Variants in DSCAM observed in about 807,000 individuals in gnomAD.
The protein encoded by DSCAM is DS cell adhesion molecule.
In DSCAM, 47 loss-of-function variants were observed where a neutral mutation model predicts 217.7. That is an observed-to-expected ratio of 0.22 (90% confidence interval 0.17 to 0.28). The LOEUF (loss-of-function observed/expected upper bound fraction) is 0.28. Ranked by LOEUF, DSCAM falls within the 10% of genes least tolerant of loss-of-function variation. The pLI is 1.00. For missense variants in DSCAM, 2,080 were observed against 2,618.3 expected (o/e 0.79, Z 4.49); for synonymous variants, 1,056 against 1,015.3 (o/e 1.04, Z -0.76).
chr21:40,614,052 T>A (rs911694572), intron 3 of DSCAM, among the ~76,000 whole-genome samples: 18 of 152,276 alleles, frequency 1.2e-4, no homozygotes, highest in African/African-American at 4.3e-4. Flanking sequence ...GATGCACAGA[T>A]AATTTGAGAA....
At chr21:40,780,423 GTATATATATATA>G (rs71186965) in intron 1 of DSCAM, among the ~76,000 whole-genome samples, 101 of 56,438 alleles carry the variant, frequency 1.8e-3, no homozygotes, top group African/African-American at 7.5e-3. Flanking sequence ...GTGTGTGTGT[GTATATATATATA>G]TATATATATA....
intron 3 of DSCAM, among the ~76,000 whole-genome samples, chr21:40,570,927 G>A (rs1003176321): frequency 5.3e-5 from 8 of 152,018 alleles, no homozygotes; most frequent in Admixed American, 3.3e-4. Flanking sequence ...AGAAGAAGAA[G>A]AGAGATACAG....
At chr21:40,593,319 TC>T (rs1195869344) in intron 3 of DSCAM, among the ~76,000 whole-genome samples, 4 of 84,346 alleles carry the variant, frequency 4.7e-5, no homozygotes, top group African/African-American at 1.5e-4. Flanking sequence ...ATGATGTTTC[TC>T]TTTTTTTTTT....
At chr21:40,244,010 A>G (rs1569019975) in intron 11 of DSCAM, among the ~76,000 whole-genome samples, 1 of 152,168 alleles carries the variant, frequency 6.6e-6, no homozygotes, top group Non-Finnish European at 1.5e-5. Flanking sequence ...TGATGCCCAA[A>G]TGGGTTGTTC....
chr21:40,267,896 CA>C (rs112636145), intron 11 of DSCAM, among the ~76,000 whole-genome samples: 5 of 151,148 alleles, frequency 3.3e-5, no homozygotes, highest in Non-Finnish European at 5.9e-5. Context: ...AACTCCACCT[CA>C]AAAAAAGAAA....
intron 20 of DSCAM, among the ~76,000 whole-genome samples, chr21:40,109,003 G>C (rs1418531046): frequency 1.3e-5 from 2 of 152,178 alleles, no homozygotes; most frequent in African/African-American, 4.8e-5. Context: ...ATCAACTCAA[G>C]ATGGATTAAA....
rs547422383 is a variant in DSCAM, at chr21:40,361,617, C to T, written c.655+7482G>A. Reference sequence around the variant, plus strand: ...GTGGCAACAGAGTGAGACTCCATCTCAAAAACAAACAAACAAACAAACAAA... The same window carrying T: ...GTGGCAACAGAGTGAGACTCCATCTTAAAAACAAACAAACAAACAAACAAA... On this transcript the variant is annotated intron_variant, in intron 4 of 32. Coordinates refer to ENST00000400454, the MANE Select transcript of DSCAM (RefSeq NM_001389.5). Among the ~76,000 whole-genome samples the T allele has an allele frequency of 1.8e-3, 270 of 149,148 alleles. 2 individuals carry two copies. Among genetic ancestry groups the T allele is most frequent in the African/African-American group, 5.3e-3 (207 of 39,266 alleles).
At chr21:40,514,910 G>A (rs186289947) in intron 3 of DSCAM, among the ~76,000 whole-genome samples, 5 of 152,210 alleles carry the variant, frequency 3.3e-5, no homozygotes, top group South Asian at 4.2e-4. Flanking sequence ...CCCAAACTGC[G>A]GCAAGGGTGT....
chr21:40,631,540 C>T (rs2146319488), intron 3 of DSCAM, among the ~76,000 whole-genome samples: 1 of 152,294 alleles, frequency 6.6e-6, no homozygotes, highest in African/African-American at 2.4e-5. Context: ...ATAAGACTTC[C>T]CAGTATTGGG....
intron 11 of DSCAM, among the ~76,000 whole-genome samples, chr21:40,189,468 C>T (rs1229083738): frequency 1.3e-5 from 2 of 152,178 alleles, no homozygotes; most frequent in South Asian, 2.1e-4. Flanking sequence ...ATCCACGGCA[C>T]GTTGCTCTTC....
intron 3 of DSCAM, among the ~76,000 whole-genome samples, chr21:40,504,404 T>C (rs138216267): frequency 3.7e-4 from 56 of 152,232 alleles, no homozygotes; most frequent in Middle Eastern, 6.8e-3. Context: ...GTCTGAGTAC[T>C]TCCTCCTGCC....
chr21:40,722,284 C>G (rs555401272), intron 1 of DSCAM, among the ~76,000 whole-genome samples: 10 of 152,148 alleles, frequency 6.6e-5, no homozygotes, highest in African/African-American at 2.4e-4. Context: ...TATTTTCTCA[C>G]TTTAAATCAT....
At chr21:40,166,807 G>A in intron 16 of DSCAM, among the ~76,000 whole-genome samples, 1 of 152,148 alleles carries the variant, frequency 6.6e-6, no homozygotes, top group East Asian at 1.9e-4. Flanking sequence ...TAGTGGCACA[G>A]TGAGGACTTG....
chr21:40,306,207 G>T (rs2074074157), intron 9 of DSCAM, among the ~76,000 whole-genome samples: 1 of 146,744 alleles, frequency 6.8e-6, no homozygotes, highest in Non-Finnish European at 1.5e-5. Context: ...TGAAGCAATT[G>T]TGAATGGGAG....
intron 3 of DSCAM, among the ~76,000 whole-genome samples, chr21:40,472,871 C>T (rs2075900715): frequency 6.6e-6 from 1 of 152,146 alleles, no homozygotes; most frequent in African/African-American, 2.4e-5. Flanking sequence ...ATGCACATCA[C>T]TGTGTGGAGA....
intron 11 of DSCAM, among the ~76,000 whole-genome samples, chr21:40,243,612 G>T (rs1029187622): frequency 6.6e-6 from 1 of 152,176 alleles, no homozygotes. Context: ...TGCACCGTTT[G>T]CTCCCCCATA....
At chr21:40,070,242 A>AAGGTAGGGAAGGAGGGAGGGAGGG (rs2089272052) in intron 27 of DSCAM, among the ~76,000 whole-genome samples, 1 of 139,096 alleles carries the variant, frequency 7.2e-6, no homozygotes, top group Non-Finnish European at 1.6e-5. Flanking sequence ...GGAAGGAAGG[A>AAGGTAGGGAAGGAGGGAGGGAGGG]AGGTAGGGAA....
intron 8 of DSCAM, among the ~76,000 whole-genome samples, chr21:40,335,333 A>G (rs1488022495): frequency 6.6e-6 from 1 of 152,216 alleles, no homozygotes; most frequent in East Asian, 1.9e-4. Context: ...TTCAGAAGAA[A>G]AGAAGCTCCT....
intron 11 of DSCAM, among the ~76,000 whole-genome samples, chr21:40,202,198 A>C (rs1263780337): frequency 6.6e-6 from 1 of 151,828 alleles, no homozygotes; most frequent in African/African-American, 2.4e-5. Context: ...GGTGGATTCC[A>C]CCCCCGCCAC....
Sources: allele counts gnomAD v4.1 joint callset (sites outside exome capture counted in the v4.1 genomes callset), GRCh38; gene constraint gnomAD v4.1.1; transcripts MANE v1.5; gene names NCBI Gene and HGNC (gene_info 2026-07-23, HGNC 2026-07-21).